The following FGFR2 variants were observed in gnomAD, a reference collection of about 807,000 sequenced individuals.
FGFR2 encodes the protein BEK fibroblast growth factor receptor.
In FGFR2, 19 loss-of-function variants were observed where a neutral mutation model predicts 95.9. That is an observed-to-expected ratio of 0.20 (90% CI 0.14 to 0.29). FGFR2 has a LOEUF of 0.29. FGFR2 is among the 10% of genes least tolerant of loss of function. The pLI is 1.00. For missense variants in FGFR2, 707 were observed against 1,056.9 expected (o/e 0.67, Z 4.59); for synonymous variants, 392 against 393.3 (o/e 1.00, Z 0.04).
At chr10:121,556,871 A>G (rs1454341112) in intron 4 of FGFR2, among the ~76,000 whole-genome samples, 1 of 152,144 alleles carries the variant, frequency 6.6e-6, no homozygotes, top group African/African-American at 2.4e-5. Context: ...TAAAAATATC[A>G]CTAATCAGGA....
chr10:121,529,376 C>T (rs1307647387), intron 6 of FGFR2, among the ~76,000 whole-genome samples: 1 of 152,200 alleles, frequency 6.6e-6, no homozygotes, highest in Non-Finnish European at 1.5e-5. Context: ...TCTCAAAGTA[C>T]TGGGATTTCA....
At chr10:121,540,847 G>A (rs1347069843) in intron 5 of FGFR2, among the ~76,000 whole-genome samples, 1 of 152,190 alleles carries the variant, frequency 6.6e-6, no homozygotes, top group African/African-American at 2.4e-5. Context: ...AACTGTCAAT[G>A]TCTTTCTTGT....
chr10:121,585,233 C>T (rs1377375571), intron 2 of FGFR2, among the ~76,000 whole-genome samples: 1 of 152,210 alleles, frequency 6.6e-6, no homozygotes, highest in Non-Finnish European at 1.5e-5. Flanking sequence ...ATCCATGGGA[C>T]TTGCAAAAGC....
intron 13 of FGFR2, among the ~76,000 whole-genome samples, chr10:121,492,307 C>G (rs1042212106): frequency 7.2e-5 from 11 of 152,240 alleles, no homozygotes; most frequent in Middle Eastern, 6.8e-3. Context: ...TTGTGTAAGG[C>G]TCAAATACCC....
intron 9 of FGFR2, 68 bp downstream of exon 9, chr10:121,515,049 G>T (rs1589820444): frequency 6.1e-6 from 9 of 1,469,058 alleles, no homozygotes; most frequent in Non-Finnish European, 8.5e-6. Context: ...CAAAGCAGAG[G>T]ACAAGATCCA....
chr10:121,489,841 CCT>C (rs1276717941), intron 13 of FGFR2, among the ~76,000 whole-genome samples: 27 of 152,348 alleles, frequency 1.8e-4, no homozygotes, highest in Non-Finnish European at 3.4e-4. Flanking sequence ...TGCCCCTCCC[CCT>C]GAGACTTCCA....
chr10:121,511,864 C>T (rs1423885141), intron 9 of FGFR2, among the ~76,000 whole-genome samples: 1 of 151,974 alleles, frequency 6.6e-6, no homozygotes, highest in East Asian at 1.9e-4. Context: ...TATTTTTGCT[C>T]AAAAAAATAA....
intron 2 of FGFR2, among the ~76,000 whole-genome samples, chr10:121,571,309 T>C (rs1201866501): frequency 7.5e-6 from 1 of 134,038 alleles, no homozygotes; most frequent in Non-Finnish European, 1.6e-5. Flanking sequence ...TTTTTTTTTT[T>C]TTTTTTTTTG....
chr10:121,535,481 C>T (rs1473107154), intron 6 of FGFR2, among the ~76,000 whole-genome samples: 1 of 152,188 alleles, frequency 6.6e-6, no homozygotes, highest in Non-Finnish European at 1.5e-5. Context: ...TTCATGAGTT[C>T]CAGTTCCTTC....
chr10:121,508,625 T>G (rs1032477190), intron 9 of FGFR2, among the ~76,000 whole-genome samples: 4 of 152,188 alleles, frequency 2.6e-5, no homozygotes, highest in African/African-American at 4.8e-5. Context: ...TTTATCAACT[T>G]TATTGTCATT....
At chr10:121,546,973 C>T (rs1854609590) in intron 5 of FGFR2, among the ~76,000 whole-genome samples, 1 of 152,092 alleles carries the variant, frequency 6.6e-6, no homozygotes, top group Non-Finnish European at 1.5e-5. Flanking sequence ...GCCTGTAATC[C>T]CAGCACTCGC....
chr10:121,525,403 T>C (rs1564928610), intron 6 of FGFR2, among the ~76,000 whole-genome samples: 1 of 152,164 alleles, frequency 6.6e-6, no homozygotes, highest in East Asian at 1.9e-4. Context: ...GCTGAAGTGC[T>C]TTAAAAAATA....
At chr10:121,514,647 G>C (rs915417047) in intron 9 of FGFR2, among the ~76,000 whole-genome samples, 3 of 152,172 alleles carry the variant, frequency 2.0e-5, no homozygotes, top group Non-Finnish European at 4.4e-5. Context: ...TGCACCCCCA[G>C]GGCATAAGAT....
chr10:121,539,918 G>A (rs1212398310), intron 5 of FGFR2, among the ~76,000 whole-genome samples: 1 of 152,216 alleles, frequency 6.6e-6, no homozygotes, highest in Non-Finnish European at 1.5e-5. Context: ...GCAAAGCAGC[G>A]CCAGTGATTA....
At chr10:121,571,109 CT>C (rs1231440685) in intron 2 of FGFR2, among the ~76,000 whole-genome samples, 7 of 151,412 alleles carry the variant, frequency 4.6e-5, no homozygotes, top group Non-Finnish European at 1.0e-4. Context: ...CTGCCTCAGC[CT>C]CCTGAGTAGC....
At chr10:121,551,655 T>C (rs970224988) in intron 4 of FGFR2, among the ~76,000 whole-genome samples, 196 bp from the exon 5 acceptor site, 1 of 151,850 alleles carries the variant, frequency 6.6e-6, no homozygotes, top group African/African-American at 2.4e-5. Context: ...CAGAGAGGGA[T>C]GGTTCATGTC....
At chr10:121,493,786 G>T (rs149715500) in intron 13 of FGFR2, among the ~76,000 whole-genome samples, 19 of 152,058 alleles carry the variant, frequency 1.2e-4, no homozygotes, top group African/African-American at 3.9e-4. Flanking sequence ...ATCTCCCCTT[G>T]GATGACTCAG....
At chr10:121,558,185 G>A (rs377624358) in intron 4 of FGFR2, among the ~76,000 whole-genome samples, 1 of 152,180 alleles carries the variant, frequency 6.6e-6, no homozygotes, top group East Asian at 1.9e-4. Context: ...CATCTACCTA[G>A]TTGCTGCCAG....
At chr10:121,583,457 G>A (rs1861267621) in intron 2 of FGFR2, 1 of 152,216 alleles carries the variant, frequency 6.6e-6, no homozygotes, top group African/African-American at 2.4e-5. Context: ...TCTTGTTATG[G>A]ACTCCTACGG....
Sources: gnomAD v4.1 joint callset for allele counts (sites outside exome capture counted in the v4.1 genomes callset) on GRCh38, gnomAD v4.1.1 for gene constraint, MANE v1.5 for transcripts, NCBI Gene and HGNC (gene_info 2026-07-23, HGNC 2026-07-21) for gene names.